Variants in DNAJC1 observed in about 807,000 individuals in gnomAD.
DNAJC1 encodes DnaJ heat shock protein family (Hsp40) member C1.
In DNAJC1, 58 loss-of-function variants were observed where a neutral mutation model predicts 76.6. The observed-to-expected ratio is 0.76, with a 90% CI of 0.61 to 0.94. The LOEUF (loss-of-function observed/expected upper bound fraction) is 0.94. DNAJC1 is among the 40% of genes least tolerant of loss of function. The pLI is 0.00. For synonymous variants in DNAJC1, 258 were observed against 267.9 expected, an observed-to-expected ratio of 0.96 and a Z score of 0.36; for missense variants, 689 against 677.3, an observed-to-expected ratio of 1.02 and a Z score of -0.19.
chr10:21,815,751 TC>T (rs1835064366), intron 8 of DNAJC1, among the ~76,000 whole-genome samples: 1 of 151,842 alleles, frequency 6.6e-6, no homozygotes, highest in Admixed American at 6.6e-5. Context: ...AGGTTCATTT[TC>T]TTTTTTTTTT....
chr10:21,777,200 A>T (rs992572912), intron 9 of DNAJC1, among the ~76,000 whole-genome samples: 1 of 152,224 alleles, frequency 6.6e-6, no homozygotes, highest in Non-Finnish European at 1.5e-5. Flanking sequence ...TACAGGGTTT[A>T]AAGTAGACAC....
chr10:21,784,988 C>T (rs1834585954), intron 9 of DNAJC1, among the ~76,000 whole-genome samples: 2 of 152,096 alleles, frequency 1.3e-5, no homozygotes, highest in African/African-American at 4.8e-5. Context: ...CAACATGGCA[C>T]ATGGACACAT....
intron 1 of DNAJC1, among the ~76,000 whole-genome samples, chr10:21,999,236 T>A (rs1838473712): frequency 6.6e-6 from 1 of 152,206 alleles, no homozygotes; most frequent in Non-Finnish European, 1.5e-5. Flanking sequence ...CAGTTCTTAC[T>A]GAGGTAGCCT....
At chr10:21,761,313 C>T (rs1005110355) in intron 10 of DNAJC1, among the ~76,000 whole-genome samples, 3 of 152,164 alleles carry the variant, frequency 2.0e-5, no homozygotes, top group Admixed American at 1.3e-4. Context: ...AATCCCAACA[C>T]TTTGGGAGGC....
intron 8 of DNAJC1, among the ~76,000 whole-genome samples, chr10:21,874,241 T>C (rs529344625): frequency 3.9e-5 from 6 of 151,990 alleles, no homozygotes; most frequent in African/African-American, 1.5e-4. Context: ...CATAGTGAGA[T>C]GCCGTCCAAA....
At chr10:21,917,159 G>T (rs926532434) in intron 6 of DNAJC1, among the ~76,000 whole-genome samples, 1 of 151,890 alleles carries the variant, frequency 6.6e-6, no homozygotes, top group African/African-American at 2.4e-5. Flanking sequence ...AAACTAAAAA[G>T]TTTCTGTAAA....
intron 6 of DNAJC1, among the ~76,000 whole-genome samples, chr10:21,917,900 G>C (rs1341230171): frequency 6.6e-6 from 1 of 151,830 alleles, no homozygotes; most frequent in African/African-American, 2.4e-5. Context: ...AAATGCAGAA[G>C]TTGTAGTCAT....
At chr10:21,879,539 G>A (rs1836238041) in intron 8 of DNAJC1, among the ~76,000 whole-genome samples, 2 of 151,976 alleles carry the variant, frequency 1.3e-5, no homozygotes, top group African/African-American at 2.4e-5. Flanking sequence ...CACAAGAATC[G>A]CTTGAACCCA....
chr10:21,978,444 G>T (rs1205052332), intron 1 of DNAJC1, among the ~76,000 whole-genome samples: 1 of 152,100 alleles, frequency 6.6e-6, no homozygotes, highest in Non-Finnish European at 1.5e-5. Flanking sequence ...TAAGACAGGG[G>T]TCAGCAATTT....
intron 8 of DNAJC1, among the ~76,000 whole-genome samples, chr10:21,856,725 A>T (rs551924026): frequency 1.3e-5 from 2 of 152,134 alleles, no homozygotes; most frequent in African/African-American, 4.8e-5. Context: ...ATCACTAATG[A>T]CACATAGAAA....
At chr10:21,961,504 T>A (rs1012627935) in intron 1 of DNAJC1, among the ~76,000 whole-genome samples, 1 of 152,120 alleles carries the variant, frequency 6.6e-6, no homozygotes, top group African/African-American at 2.4e-5. Context: ...ATTCCACTTA[T>A]AAGAAATATC....
Position 21,928,516 on chromosome 10 carries a change from G to T in DNAJC1, c.361C>A (p.Arg121=). Residue 121 remains arginine, a synonymous_variant, in exon 3 of 12, where the codon CGA becomes AGA. Transcript: ENST00000376980. ...GAAATGAACACTCACCTCTGCCTTC[G>T]TTCATCATCCTTTAAAACTTCATAA... ...AIYEVLKDDE[R]RQRYDDILIN... 1 of 1,612,672 alleles carries T rather than the reference G, an allele frequency of 6.2e-7. No homozygotes were observed. Among genetic ancestry groups the T allele is most frequent in the East Asian group, 2.2e-5 (1 of 44,736 alleles).
At chr10:21,960,978 GAAAATAT>G (rs1275114412) in intron 1 of DNAJC1, among the ~76,000 whole-genome samples, 3 of 152,162 alleles carry the variant, frequency 2.0e-5, no homozygotes, top group Non-Finnish European at 4.4e-5. Flanking sequence ...TGAAGTATAT[GAAAATAT>G]GCCATCATTA....
intron 7 of DNAJC1, among the ~76,000 whole-genome samples, chr10:21,892,250 TAA>T (rs1371259663): frequency 2.0e-5 from 3 of 151,324 alleles, no homozygotes; most frequent in South Asian, 4.2e-4. Context: ...GAAATGATAA[TAA>T]GAGAGAAAAA....
chr10:21,830,014 C>T (rs1179984017), intron 8 of DNAJC1, among the ~76,000 whole-genome samples: 1 of 152,174 alleles, frequency 6.6e-6, no homozygotes, highest in Non-Finnish European at 1.5e-5. Flanking sequence ...ATCTATCCCC[C>T]TCCCATTAAA....
rs1837526498 is a variant in DNAJC1 at position 21,947,619 on chromosome 10, G to A, written c.223-18478C>T. 2.0e-5 allele frequency among the ~76,000 whole-genome samples: 3 copies of A among 152,112 alleles called. No homozygotes were observed. The South Asian group carries it at 6.2e-4, about 31-fold the overall frequency. ...GGTAGGCTACTAGTAGTTACGTTTT[G>A]GCAGAGCCAAAAGCTATTCATGGAC... On this transcript the variant is annotated intron_variant, in intron 1 of 11. Transcript: ENST00000376980.
intron 8 of DNAJC1, among the ~76,000 whole-genome samples, chr10:21,811,512 T>G (rs374148189): frequency 2.8e-4 from 42 of 152,240 alleles, no homozygotes; most frequent in Non-Finnish European, 7.4e-5. Context: ...AGTGTGAGAG[T>G]TGTGTGCAAG....
intron 7 of DNAJC1, among the ~76,000 whole-genome samples, chr10:21,900,487 C>T (rs1188586737): frequency 6.6e-6 from 1 of 152,058 alleles, no homozygotes; most frequent in African/African-American, 2.4e-5. Context: ...TGTACATACA[C>T]AGCATTATGA....
chr10:21,971,440 TAA>T (rs1837976173), intron 1 of DNAJC1, among the ~76,000 whole-genome samples: 1 of 151,766 alleles, frequency 6.6e-6, no homozygotes. Flanking sequence ...ATGACCAACT[TAA>T]GAGAAGTTTT....
Sources: gnomAD v4.1 joint callset for allele counts (sites outside exome capture counted in the v4.1 genomes callset) on GRCh38, gnomAD v4.1.1 for gene constraint, MANE v1.5 for transcripts, NCBI Gene and HGNC (gene_info 2026-07-23, HGNC 2026-07-21) for gene names.